The following SMAD9 variants were observed in gnomAD, a reference collection of about 807,000 sequenced individuals.
The protein encoded by SMAD9 is SMAD family member 9.
In SMAD9, 36 loss-of-function variants were observed where a neutral mutation model predicts 46.1. The ratio of observed to expected loss-of-function variants is 0.78; its 90% CI spans 0.60 to 1.03. The LOEUF (loss-of-function observed/expected upper bound fraction) is 1.03, where lower values mean the gene tolerates loss of function less well. Among genes scored for constraint, SMAD9 ranks in the 50% least tolerant of loss-of-function variants. SMAD9 has a pLI of 0.00. For missense variants in SMAD9, 572 were observed against 599.8 expected (o/e 0.95, Z 0.48); for synonymous variants, 245 against 237.1 (o/e 1.03, Z -0.31).
intron 6 of SMAD9, chr13:36,852,450 A>T (rs2058082380): frequency 2.0e-6 from 2 of 985,444 alleles, no homozygotes; most frequent in African/African-American, 3.5e-5. Flanking sequence ...TTTCACTTCC[A>T]TATACAAACC....
intron 1 of SMAD9, among the ~76,000 whole-genome samples, chr13:36,883,401 T>A (rs1232925110): frequency 6.6e-6 from 1 of 152,236 alleles, no homozygotes; most frequent in African/African-American, 2.4e-5. Context: ...TCTGGAAAGA[T>A]TCCTGAGAGG....
At position 36,848,792 on chromosome 13, in the gene SMAD9, C is replaced by A. The variant is rs765414962; in HGVS notation, c.1288G>T (p.Asp430Tyr). Residue 430 changes from aspartate to tyrosine, a missense_variant, in exon 7 of 7, where the codon GAT (aspartate) becomes TAT (tyrosine). Transcript: ENST00000379826. ...KGWGAEYHRQ[D>Y]VTSTPCWIEI... is the part of the protein sequence containing the mutation. The stretch of plus-strand genomic sequence containing the variant: ...ATCCAGCAGGGGGTGCTGGTGACAT[C>A]CTGGCGATGATACTCAGCACCCCAA... The A allele has an allele frequency of 1.2e-6, 2 of 1,614,024 alleles. No homozygotes were observed. Among genetic ancestry groups the A allele is most frequent in the Non-Finnish European group, 1.7e-6 (2 of 1,179,982 alleles).
rs1401044021 is a variant in SMAD9 at position 36,848,822 on chromosome 13, G to A, written c.1261-3C>T. ...CGATGATACTCAGCACCCCAACCCT[G>A]AAAAACAAGAAAGGAGCTGAGTGAT... is the stretch of plus-strand genomic sequence containing the variant. On this transcript the variant is annotated splice_polypyrimidine_tract_variant and splice_region_variant and intron_variant, in intron 6 of 6. Coordinates refer to ENST00000379826, the MANE Select transcript of SMAD9 (RefSeq NM_001127217.3). 5.6e-6 allele frequency: 9 copies of A among 1,613,576 alleles called. No individual in the cohort carries two copies. Among genetic ancestry groups the A allele is most frequent in the Non-Finnish European group, 7.6e-6 (9 of 1,179,980 alleles).
Position 36,865,663 on chromosome 13 carries a change from A to G in SMAD9, c.877T>C (p.Ser293Pro). ...AACCCATCTATGAGCACACTTCGGG[A>G]GGAAGCCTGGAATGTCTCCCCAACT... ...NRVGETFQASSRSVLIDGFTD... is the reference protein window; with the variant it reads ...NRVGETFQASPRSVLIDGFTD... Residue 293 changes from serine (S) to proline (P), a missense_variant, in exon 5 of 7, where the codon TCC becomes CCC. Transcript: ENST00000379826. 1 of 1,614,114 alleles carries G rather than the reference A, an allele frequency of 6.2e-7. No individual in the cohort carries two copies. Among genetic ancestry groups the G allele is most frequent in the Non-Finnish European group, 8.5e-7 (1 of 1,179,978 alleles).
At chr13:36,883,622 G>A (rs1398337285) in intron 1 of SMAD9, among the ~76,000 whole-genome samples, 2 of 152,126 alleles carry the variant, frequency 1.3e-5, no homozygotes, top group African/African-American at 4.8e-5. Flanking sequence ...GTGGTGGCGG[G>A]TACATGTAGT....
intron 1 of SMAD9, among the ~76,000 whole-genome samples, chr13:36,914,892 G>C (rs1321920632): frequency 6.6e-6 from 1 of 152,190 alleles, no homozygotes; most frequent in Non-Finnish European, 1.5e-5. Context: ...CCACAAGTAC[G>C]TAGGACAAAA....
intron 1 of SMAD9, among the ~76,000 whole-genome samples, chr13:36,889,898 G>C (rs924034942): frequency 6.6e-6 from 1 of 151,954 alleles, no homozygotes; most frequent in African/African-American, 2.4e-5. Flanking sequence ...ACATCAAAAG[G>C]TGTCCTTACT....
chr13:36,887,585 G>C (rs953386063), intron 1 of SMAD9, among the ~76,000 whole-genome samples: 5 of 152,064 alleles, frequency 3.3e-5, no homozygotes, highest in Admixed American at 1.3e-4. Context: ...AGATGGGGGA[G>C]CAAGTAGAAA....
intron 2 of SMAD9, among the ~76,000 whole-genome samples, chr13:36,873,412 G>A (rs1240471746): frequency 6.6e-6 from 1 of 152,134 alleles, no homozygotes. Flanking sequence ...CAGAGATCAT[G>A]TTGAATTATT....
chr13:36,850,921 C>T (rs183166983), intron 6 of SMAD9, among the ~76,000 whole-genome samples: 157 of 152,278 alleles, frequency 1.0e-3, no homozygotes, highest in Non-Finnish European at 1.8e-3. Flanking sequence ...TTTTCTCCCA[C>T]GCCTGATCCG....
chr13:36,853,013 G>A (rs972809590), intron 6 of SMAD9, among the ~76,000 whole-genome samples: 3 of 152,204 alleles, frequency 2.0e-5, no homozygotes, highest in South Asian at 2.1e-4. Context: ...TGGGCTGGGC[G>A]CGGTGGCTCA....
intron 5 of SMAD9, among the ~76,000 whole-genome samples, chr13:36,863,389 C>T (rs770173578): frequency 6.6e-5 from 10 of 152,194 alleles, no homozygotes; most frequent in Non-Finnish European, 1.2e-4. Context: ...AGTACCCTTG[C>T]ATCGAGGGGA....
intron 1 of SMAD9, among the ~76,000 whole-genome samples, chr13:36,892,151 A>G (rs897441019): frequency 1.3e-5 from 2 of 152,220 alleles, no homozygotes; most frequent in Non-Finnish European, 2.9e-5. Context: ...CACTGACTTG[A>G]AAACTTAAAC....
At chr13:36,895,993 T>C (rs982512312) in intron 1 of SMAD9, among the ~76,000 whole-genome samples, 1 of 152,218 alleles carries the variant, frequency 6.6e-6, no homozygotes, top group Non-Finnish European at 1.5e-5. Flanking sequence ...AATGTGCAGT[T>C]ACAAAATAGA....
chr13:36,853,026 C>A (rs1432057348), intron 6 of SMAD9, among the ~76,000 whole-genome samples: 1 of 152,236 alleles, frequency 6.6e-6, no homozygotes, highest in African/African-American at 2.4e-5. Context: ...GTGGCTCACG[C>A]CTGTAATCCC....
At chr13:36,917,199 C>G (rs767391073) in intron 1 of SMAD9, among the ~76,000 whole-genome samples, 3 of 152,104 alleles carry the variant, frequency 2.0e-5, no homozygotes, top group African/African-American at 7.2e-5. Context: ...ATCTTGAAAT[C>G]CTAACAACTT....
chr13:36,860,271 T>C (rs1306461141), intron 5 of SMAD9, among the ~76,000 whole-genome samples: 1 of 152,072 alleles, frequency 6.6e-6, no homozygotes, highest in African/African-American at 2.4e-5. Flanking sequence ...GAACTTGAGA[T>C]ATACAAGAAA....
At chr13:36,865,791 A>G (rs778547978) in intron 4 of SMAD9, 33 bp from the exon 5 acceptor site, 143 of 1,539,448 alleles carry the variant, frequency 9.3e-5, no homozygotes, top group Non-Finnish European at 1.2e-4. Flanking sequence ...ACACATGGCT[A>G]CTGTCATACC....
At chr13:36,920,373 G>C (rs994155463), upstream of SMAD9, 2 of 150,738 alleles carry the variant, frequency 1.3e-5, no homozygotes, top group African/African-American at 4.8e-5. Flanking sequence ...GGGCTGCGCG[G>C]GCCCGGCGGG....
Sources: gnomAD v4.1 joint callset for allele counts (sites outside exome capture counted in the v4.1 genomes callset) on GRCh38, gnomAD v4.1.1 for gene constraint, MANE v1.5 for transcripts, NCBI Gene and HGNC (gene_info 2026-07-23, HGNC 2026-07-21) for gene names.